MYLIP: variants seen among roughly 807,000 people sequenced by gnomAD.
MYLIP encodes E3 ubiquitin-protein ligase MYLIP.
Under a neutral mutation model 45.8 loss-of-function variants are expected in MYLIP, and 26 were observed. The ratio of observed to expected loss-of-function variants is 0.57; its 90% CI spans 0.42 to 0.79. The LOEUF is 0.79. MYLIP is among the 30% of genes least tolerant of loss of function. The probability of loss-of-function intolerance (pLI) is 0.00; values close to 1 mark genes in which losing one functional copy is unlikely to be tolerated. For synonymous variants in MYLIP, 213 were observed against 218.1 expected, an observed-to-expected ratio of 0.98 and a Z score of 0.21; for missense variants, 494 against 555.6, an observed-to-expected ratio of 0.89 and a Z score of 1.11.
At chr6:16,141,422 A>G (rs1759669495) in intron 2 of MYLIP, 1 of 439,500 alleles carries the variant, frequency 2.3e-6, no homozygotes, top group Non-Finnish European at 4.0e-6. Context: ...TTTGGGTCAC[A>G]ACTTTTATTC....
chr6:16,131,039 A>AAAAAAAAG (rs1759448862), intron 2 of MYLIP, among the ~76,000 whole-genome samples: 1 of 151,622 alleles, frequency 6.6e-6, no homozygotes, highest in South Asian at 2.1e-4. Flanking sequence ...GAAAAAAAAA[A>AAAAAAAAG]AAAAAAAAAG....
chr6:16,140,095 A>G (rs532058950), intron 2 of MYLIP, among the ~76,000 whole-genome samples: 3 of 152,338 alleles, frequency 2.0e-5, no homozygotes, highest in South Asian at 2.1e-4. Context: ...TCAGACACAG[A>G]TATATTATTA....
chr6:16,138,528 A>G (rs1759602392), intron 2 of MYLIP, among the ~76,000 whole-genome samples: 1 of 151,888 alleles, frequency 6.6e-6, no homozygotes, highest in Non-Finnish European at 1.5e-5. Flanking sequence ...TGCTACTAGT[A>G]CTCTGTTGTA....
At chr6:16,162,954 C>T in the MYLIP span, among the ~76,000 whole-genome samples, 1 of 152,024 alleles carries the variant, frequency 6.6e-6, no homozygotes, top group Non-Finnish European at 1.5e-5. Context: ...ACGCCCTCTG[C>T]TTTTCCGGCT....
chr6:16,156,029 C>A, the MYLIP span, among the ~76,000 whole-genome samples: 139 of 152,224 alleles, frequency 9.1e-4, 1 homozygote, highest in African/African-American at 3.1e-3. Context: ...ATGAAGGGAA[C>A]CTGAAAAGGG....
downstream of MYLIP, among the ~76,000 whole-genome samples, chr6:16,148,987 T>C (rs1480676792): frequency 1.3e-5 from 2 of 152,196 alleles, no homozygotes; most frequent in East Asian, 3.8e-4. Flanking sequence ...AAGTCAATCT[T>C]CCATCAATTT....
At chr6:16,152,550 T>G (rs989256571), downstream of MYLIP, among the ~76,000 whole-genome samples, 2 of 152,214 alleles carry the variant, frequency 1.3e-5, no homozygotes, top group Non-Finnish European at 1.5e-5. Context: ...TTGACATTTC[T>G]GGCCCAAAAC....
chr6:16,130,789 G>A, intron 2 of MYLIP, 42 bp downstream of exon 2: 2 of 1,585,764 alleles, frequency 1.3e-6, no homozygotes, highest in Non-Finnish European at 1.7e-6. Flanking sequence ...TTGACCTTTG[G>A]TTCCCTTTAG....
At position 16,130,767 on chromosome 6, in the gene MYLIP, A is replaced by G. The variant is rs1759441481; in HGVS notation, c.278+20A>G. The G allele has an allele frequency of 6.2e-7, 1 of 1,603,276 alleles. No homozygotes were observed. The highest frequency in any genetic ancestry group is 2.2e-5 in the East Asian group (1 of 44,628). ...GACTAGGTAAAGTGAGCTAAAATAA[A>G]CCAATGTCAAATTGACCTTTGGTTC... On this transcript the variant is annotated intron_variant, in intron 2 of 6. Coordinates refer to ENST00000356840, the MANE Select transcript of MYLIP (RefSeq NM_013262.4).
At position 16,146,880 on chromosome 6, in the gene MYLIP, AAG is replaced by A. The variant is rs1554125792; in HGVS notation, c.*130_*131del. On this transcript the variant is annotated 3_prime_UTR_variant, in exon 7 of 7. Coordinates refer to ENST00000356840, the MANE Select transcript of MYLIP (RefSeq NM_013262.4). ...GCCATGCGATGTTAAAAAAAAAAAA[AAG>A]GAAGAAAAATAACACAGCTACTCCT... 12 of 795,766 alleles carry A rather than the reference AAG, an allele frequency of 1.5e-5. No individual in the cohort carries two copies. Among genetic ancestry groups the A allele is most frequent in the Non-Finnish European group, 2.3e-5 (12 of 517,096 alleles). 49.3% of individuals were successfully genotyped at this position (795,766 alleles called of 1,614,324 possible).
chr6:16,157,042 C>T, the MYLIP span, among the ~76,000 whole-genome samples: 14 of 152,224 alleles, frequency 9.2e-5, no homozygotes, highest in African/African-American at 3.4e-4. Context: ...CATGACTTTC[C>T]ATCTCAGGTC....
intron 2 of MYLIP, among the ~76,000 whole-genome samples, chr6:16,139,029 A>G (rs1475291807): frequency 3.3e-5 from 5 of 152,198 alleles, no homozygotes; most frequent in Admixed American, 6.5e-5. Context: ...AAGTGTAGGC[A>G]TGGATAGGTT....
chr6:16,130,848 A>G (rs1759443432), intron 2 of MYLIP, 101 bp downstream of exon 2: 1 of 1,187,482 alleles, frequency 8.4e-7, no homozygotes, highest in Non-Finnish European at 1.2e-6. Context: ...GTTTGTTTTG[A>G]TGCGGAGTTC....
intron 2 of MYLIP, among the ~76,000 whole-genome samples, chr6:16,140,117 T>C (rs1227138593): frequency 6.6e-6 from 1 of 152,210 alleles, no homozygotes; most frequent in Non-Finnish European, 1.5e-5. Flanking sequence ...ACAGAAACAG[T>C]GCTGAGGACA....
At chr6:16,146,617 C>T (rs1759796340) in intron 6 of MYLIP, 45 bp from the exon 7 acceptor site, 1 of 1,521,870 alleles carries the variant, frequency 6.6e-7, no homozygotes, top group Non-Finnish European at 9.0e-7. Context: ...AGGCCCCCCA[C>T]CGAGGCTTGC....
chr6:16,142,893 T>A, intron 3 of MYLIP, 127 bp from the exon 4 acceptor site: 1 of 933,132 alleles, frequency 1.1e-6, no homozygotes. Context: ...GAAACATCAG[T>A]AATACATAAG....
In MYLIP at chr6:16,144,945, G is replaced by A. The variant is rs911059310; in HGVS notation, c.876G>A (p.Leu292=). The A allele has an allele frequency of 1.9e-6, 3 of 1,614,222 alleles. No homozygotes were observed. Among genetic ancestry groups the A allele is most frequent in the African/African-American group, 2.7e-5 (2 of 75,054 alleles). Residue 292 remains leucine (L), a synonymous_variant, in exon 6 of 7, where the codon TTG becomes TTA. Coordinates refer to ENST00000356840, the MANE Select transcript of MYLIP (RefSeq NM_013262.4). ...TGATGATGCAGTATAGCCGTGACTTGAAGGGCCACTTGGCATCTCTGTTTC... is the reference window on the plus strand; with the variant it reads ...TGATGATGCAGTATAGCCGTGACTTAAAGGGCCACTTGGCATCTCTGTTTC... The part of the protein sequence containing the change: ...SAVMMQYSRD[L]KGHLASLFLN...
chr6:16,141,773 C>T lies in MYLIP; in HGVS notation c.427C>T (p.Leu143Phe), dbSNP rs751544491. The change falls in exon 3 of 7, where the codon CTC becomes TTC. Residue 143 changes from leucine (L) to phenylalanine (F), a missense_variant. By Grantham distance (22) the Leu-to-Phe change is conservative. Coordinates refer to ENST00000356840, the MANE Select transcript of MYLIP (RefSeq NM_013262.4). ...CACTGCCAAGTATAACTATGAGGAGCTCTGTGCCAAGGAGCTCTCCTCTGC... is the reference window on the plus strand; with the variant it reads ...CACTGCCAAGTATAACTATGAGGAGTTCTGTGCCAAGGAGCTCTCCTCTGC... ...QNTAKYNYEE[L>F]CAKELSSATL... is the part of the protein sequence containing the mutation. 2.5e-6 allele frequency: 4 copies of T among 1,613,650 alleles called. No individual in the cohort carries two copies. The highest frequency in any genetic ancestry group is 1.1e-5 in the South Asian group (1 of 91,048).
chr6:16,163,795 C>T, the MYLIP span: 3 of 152,180 alleles, frequency 2.0e-5, no homozygotes, highest in Admixed American at 6.5e-5. Context: ...GCATTGTTAA[C>T]AAAACTATCA....
Sources: allele counts gnomAD v4.1 joint callset (sites outside exome capture counted in the v4.1 genomes callset), GRCh38; gene constraint gnomAD v4.1.1; transcripts MANE v1.5; gene names NCBI Gene and HGNC (gene_info 2026-07-23, HGNC 2026-07-21).